The following ANKRD28 variants were observed in gnomAD, a reference collection of about 807,000 sequenced individuals.
ANKRD28 encodes the protein ankyrin repeat domain 28, also known as serine/threonine-protein phosphatase 6 regulatory ankyrin repeat subunit A.
Under a neutral mutation model 126.5 loss-of-function variants are expected in ANKRD28, and 44 were observed. The observed-to-expected ratio is 0.35, with a 90% confidence interval of 0.27 to 0.45. ANKRD28 has a LOEUF of 0.45. Among genes scored for constraint, ANKRD28 ranks in the 20% least tolerant of loss-of-function variants. The probability of loss-of-function intolerance (pLI) is 1.00; values close to 1 mark genes in which losing one functional copy is unlikely to be tolerated. For synonymous variants in ANKRD28, 442 were observed against 468.5 expected, an observed-to-expected ratio of 0.94 and a Z score of 0.73; for missense variants, 1,110 against 1,316.6, an observed-to-expected ratio of 0.84 and a Z score of 2.43.
chr3:15,744,597 G>A lies in ANKRD28; in HGVS notation c.351+7153C>T, dbSNP rs186056874. Among the ~76,000 whole-genome samples, 29 of 152,110 alleles carry A rather than the reference G, an allele frequency of 1.9e-4. No homozygotes were observed. In the East Asian group the frequency reaches 2.7e-3, roughly 14 times the overall value. Reference sequence around the variant, plus strand: ...CTCCCAAACTGCTGGGATTCCAGGCGTGAGCCACCGCGCCTGGCCAATACA... The same window carrying A: ...CTCCCAAACTGCTGGGATTCCAGGCATGAGCCACCGCGCCTGGCCAATACA... On this transcript the variant is annotated intron_variant, in intron 4 of 27. Coordinates refer to ENST00000683139, the MANE Select transcript of ANKRD28 (RefSeq NM_001349278.2).
chr3:15,694,623 G>T, intron 17 of ANKRD28, 116 bp downstream of exon 17: 1 of 641,798 alleles, frequency 1.6e-6, no homozygotes, highest in Non-Finnish European at 2.5e-6. Context: ...TTAATTCCAT[G>T]ATAACTATTA....
chr3:15,850,218 TATATATAG>T (rs2061615737), intron 1 of ANKRD28, among the ~76,000 whole-genome samples: 1 of 56,338 alleles, frequency 1.8e-5, no homozygotes, highest in Non-Finnish European at 3.9e-5. Flanking sequence ...TATATATATA[TATATATAG>T]AGAGAGAGAG....
At chr3:15,715,251 C>A (rs929900964) in intron 8 of ANKRD28, among the ~76,000 whole-genome samples, 5 of 152,106 alleles carry the variant, frequency 3.3e-5, no homozygotes, top group African/African-American at 1.2e-4. Flanking sequence ...CTTTTCTTTT[C>A]TAAAATCTTT....
At chr3:15,702,585 C>T (rs1292449613) in intron 14 of ANKRD28, among the ~76,000 whole-genome samples, 1 of 152,296 alleles carries the variant, frequency 6.6e-6, no homozygotes, top group East Asian at 1.9e-4. Flanking sequence ...AGGTTAAAAT[C>T]GGAATGCATT....
At chr3:15,831,775 T>C (rs911343767) in intron 1 of ANKRD28, among the ~76,000 whole-genome samples, 2 of 152,226 alleles carry the variant, frequency 1.3e-5, no homozygotes, top group African/African-American at 4.8e-5. Flanking sequence ...TGGATAGAAG[T>C]GGTGAACTAA....
At chr3:15,848,392 T>C (rs1472378803) in intron 1 of ANKRD28, among the ~76,000 whole-genome samples, 2 of 152,110 alleles carry the variant, frequency 1.3e-5, no homozygotes, top group Non-Finnish European at 2.9e-5. Context: ...AAGCTAACAA[T>C]AGCTGAATGT....
At position 15,831,330 on chromosome 3, in the gene ANKRD28, T is replaced by C. The variant is rs146074845; in HGVS notation, c.27+28047A>G. On this transcript the variant is annotated intron_variant, in intron 1 of 27. Transcript: ENST00000399451. ...CCAAGACCAAAAACTATTGTGCATA[T>C]GTGCACAGATCCAAATTGCACTGCC... 1.1e-4 allele frequency among the ~76,000 whole-genome samples: 17 copies of C among 152,348 alleles called. No homozygotes were observed. In the East Asian group the frequency reaches 3.3e-3, roughly 29 times the overall value.
chr3:15,817,397 G>A lies in ANKRD28; in HGVS notation c.28-22091C>T, dbSNP rs182415928. Among the ~76,000 whole-genome samples, 18 of 152,070 alleles carry A rather than the reference G, an allele frequency of 1.2e-4. No individual in the cohort carries two copies. The highest frequency in any genetic ancestry group is 2.2e-4 in the Non-Finnish European group (15 of 67,978). ...ACAACATTAAGTTCCTAGAGCTACCGGTAGGCACCATTTCTTATTGCTCTA... is the reference window on the plus strand; with the variant it reads ...ACAACATTAAGTTCCTAGAGCTACCAGTAGGCACCATTTCTTATTGCTCTA... On this transcript the variant is annotated intron_variant, in intron 1 of 27. Coordinates refer to the ANKRD28 transcript ENST00000399451. This position sits in a 1 kb window ranked among gnomAD's most constrained non-coding sequence, Gnocchi z 4.5.
At chr3:15,782,153 C>T (rs2059568817) in intron 2 of ANKRD28, among the ~76,000 whole-genome samples, 1 of 152,000 alleles carries the variant, frequency 6.6e-6, no homozygotes, top group South Asian at 2.1e-4. Context: ...CACAAAGAAT[C>T]TATTTCCTCT....
At chr3:15,710,589 C>T (rs1208894661) in intron 12 of ANKRD28, among the ~76,000 whole-genome samples, 2 of 152,128 alleles carry the variant, frequency 1.3e-5, no homozygotes, top group Non-Finnish European at 2.9e-5. Flanking sequence ...AACGTTTTTG[C>T]AAAATGTCCT....
chr3:15,741,198 CAAAAAAAAAAAACA>C (rs1559447501), intron 4 of ANKRD28, among the ~76,000 whole-genome samples: 3 of 139,844 alleles, frequency 2.1e-5, no homozygotes, highest in African/African-American at 8.4e-5. Context: ...GACTCCATCT[CAAAAAAAAAAAACA>C]AAAAACAAAA....
At chr3:15,686,143 C>T (rs1270578776) in intron 19 of ANKRD28, 24 bp from the exon 20 acceptor site, 1 of 1,605,774 alleles carries the variant, frequency 6.2e-7, no homozygotes, top group South Asian at 1.1e-5. Flanking sequence ...GGAATAGGTT[C>T]AGTGCTGTCA....
chr3:15,835,437 TCAA>T (rs749263483), intron 1 of ANKRD28, among the ~76,000 whole-genome samples: 1 of 152,254 alleles, frequency 6.6e-6, no homozygotes, highest in African/African-American at 2.4e-5. Flanking sequence ...GAAGGAGGAA[TCAA>T]CAACAACAAC....
At chr3:15,820,497 A>AT (rs2060919195) in intron 1 of ANKRD28, among the ~76,000 whole-genome samples, 4 of 152,176 alleles carry the variant, frequency 2.6e-5, no homozygotes, top group Admixed American at 2.6e-4. Flanking sequence ...AAATACATTC[A>AT]TTTTTTAAAA....
At chr3:15,713,854 T>A (rs2072649799) in intron 9 of ANKRD28, among the ~76,000 whole-genome samples, 1 of 152,208 alleles carries the variant, frequency 6.6e-6, no homozygotes, top group Non-Finnish European at 1.5e-5. Flanking sequence ...AAGATTTTAG[T>A]AGATTTTTAA....
At chr3:15,823,118 T>C (rs1350282023) in intron 1 of ANKRD28, among the ~76,000 whole-genome samples, 2 of 152,192 alleles carry the variant, frequency 1.3e-5, no homozygotes, top group African/African-American at 4.8e-5. Context: ...AAAGACAATT[T>C]TTCCATGGAG....
intron 2 of ANKRD28, among the ~76,000 whole-genome samples, chr3:15,792,370 T>C (rs370449025): frequency 2.0e-5 from 3 of 152,120 alleles, no homozygotes; most frequent in East Asian, 1.9e-4. Flanking sequence ...ATACACACAA[T>C]GGAGTACTCG....
Position 15,795,213 on chromosome 3 carries a change from ACT to A in ANKRD28, c.201+8_201+9del. ...TTTAAAGGCTGGCATCAGTGAATTA[ACT>A]GTTTTACCTGAAAGTTAACATCTTC... On this transcript the variant is annotated splice_region_variant and intron_variant, in intron 2 of 27. Transcript: ENST00000683139. 6.3e-7 allele frequency: 1 copy of A among 1,579,550 alleles called. No individual in the cohort carries two copies. Among genetic ancestry groups the A allele is most frequent in the Non-Finnish European group, 8.7e-7 (1 of 1,150,446 alleles).
chr3:15,745,117 G>T (rs1392197356), intron 4 of ANKRD28, among the ~76,000 whole-genome samples: 1 of 152,062 alleles, frequency 6.6e-6, no homozygotes, highest in Admixed American at 6.5e-5. Context: ...TGAGTTCCTT[G>T]TAGATTCTGG....
Sources: allele counts gnomAD v4.1 joint callset (sites outside exome capture counted in the v4.1 genomes callset), GRCh38; gene constraint gnomAD v4.1.1; non-coding constraint Gnocchi (gnomAD v3.1); transcripts MANE v1.5; gene names NCBI Gene and HGNC (gene_info 2026-07-23, HGNC 2026-07-21).